The following ACSS3 variants were observed in gnomAD, a reference collection of about 807,000 sequenced individuals.
The protein encoded by ACSS3 is acyl-CoA synthetase short-chain family member 3, mitochondrial.
Under a neutral mutation model 84.2 loss-of-function variants are expected in ACSS3, and 64 were observed. The observed-to-expected ratio is 0.76, with a 90% CI of 0.62 to 0.94. The LOEUF (loss-of-function observed/expected upper bound fraction) is 0.94. ACSS3 is among the 40% of genes least tolerant of loss of function. The pLI, the probability that ACSS3 is intolerant of heterozygous loss-of-function variation, is 0.00. For missense variants in ACSS3, 815 were observed against 867.6 expected (o/e 0.94, Z 0.76); for synonymous variants, 317 against 310.1 (o/e 1.02, Z -0.23).
rs72129467 is a variant in ACSS3 at position 81,224,574 on chromosome 12, ATGTGTG to A, written c.1514+4520_1514+4525del. ...TACATATATATATACACACACACAC[ATGTGTG>A]TGTGTGTGTGTGTGTGTGTGTATGC... On this transcript the variant is annotated intron_variant, in intron 11 of 15. Transcript: ENST00000548058. 2.0e-3 allele frequency among the ~76,000 whole-genome samples: 144 copies of A among 71,916 alleles called. 3 individuals are homozygous for A. In the South Asian group the frequency reaches 0.026, roughly 13 times the overall value. The allele number at this position is 71,916 out of a possible 152,430, so 47.2% of individuals were successfully genotyped here. A position where few individuals can be genotyped will look rare whatever the true frequency, so the allele number is the denominator to read the frequency against.
At chr12:81,251,677 A>AAAAAAAAAAAAAAAAAAAAAAAAAC (rs1565745526) in intron 13 of ACSS3, among the ~76,000 whole-genome samples, 1 of 116,696 alleles carries the variant, frequency 8.6e-6, no homozygotes, top group African/African-American at 3.0e-5. Flanking sequence ...ACAAAAAAAA[A>AAAAAAAAAAAAAAAAAAAAAAAAAC]AAAAAAATAC....
chr12:81,127,918 C>T (rs1381719200), intron 2 of ACSS3, among the ~76,000 whole-genome samples: 1 of 152,132 alleles, frequency 6.6e-6, no homozygotes, highest in Middle Eastern at 3.2e-3. Flanking sequence ...CTATGAGCAT[C>T]TGGTCACAAA....
At chr12:81,193,212 G>A (rs1467807927) in intron 8 of ACSS3, among the ~76,000 whole-genome samples, 1 of 152,154 alleles carries the variant, frequency 6.6e-6, no homozygotes, top group Non-Finnish European at 1.5e-5. Context: ...TCTGTCATGT[G>A]AACCAGAAGT....
intron 5 of ACSS3, among the ~76,000 whole-genome samples, chr12:81,148,973 G>A (rs1349991790): frequency 5.3e-5 from 8 of 150,880 alleles, no homozygotes; most frequent in South Asian, 2.1e-4. Context: ...CCAGCTACTC[G>A]AGAGGCTGAG....
At chr12:81,217,423 C>A (rs1014251478) in intron 10 of ACSS3, among the ~76,000 whole-genome samples, 6 of 152,116 alleles carry the variant, frequency 3.9e-5, no homozygotes, top group Admixed American at 2.6e-4. Context: ...ATCCTGGGGA[C>A]AATGCAAACC....
At chr12:81,127,429 T>C (rs1333449584) in intron 2 of ACSS3, among the ~76,000 whole-genome samples, 1 of 152,168 alleles carries the variant, frequency 6.6e-6, no homozygotes, top group Non-Finnish European at 1.5e-5. Flanking sequence ...GTTAAAATTT[T>C]AATCTTTTCA....
At chr12:81,122,182 T>C (rs1325286654) in intron 2 of ACSS3, among the ~76,000 whole-genome samples, 3 of 151,966 alleles carry the variant, frequency 2.0e-5, no homozygotes, top group Non-Finnish European at 4.4e-5. Flanking sequence ...CTGCCCTCCT[T>C]GGCCTCCCAA....
At chr12:81,111,000 A>C (rs1471152275) in intron 2 of ACSS3, among the ~76,000 whole-genome samples, 1 of 152,198 alleles carries the variant, frequency 6.6e-6, no homozygotes, top group Non-Finnish European at 1.5e-5. Flanking sequence ...AAGAAAGGCA[A>C]CTCAGACTAA....
At chr12:81,217,797 C>T (rs957591821) in intron 10 of ACSS3, among the ~76,000 whole-genome samples, 8 of 151,866 alleles carry the variant, frequency 5.3e-5, no homozygotes, top group East Asian at 1.9e-4. Context: ...GAGCTGAGAT[C>T]GTGCCACTCC....
chr12:81,161,742 C>A (rs1438218342), intron 7 of ACSS3, among the ~76,000 whole-genome samples: 1 of 152,162 alleles, frequency 6.6e-6, no homozygotes, highest in Non-Finnish European at 1.5e-5. Context: ...CTCAGCTTGT[C>A]CTACTGGCCT....
chr12:81,237,564 G>A (rs2033668598), intron 13 of ACSS3, among the ~76,000 whole-genome samples: 2 of 151,316 alleles, frequency 1.3e-5, no homozygotes, highest in Non-Finnish European at 3.0e-5. Flanking sequence ...CGAGTATTTT[G>A]AATATTACAT....
In ACSS3 at chr12:81,181,747, CAAA is replaced by C. The variant is rs59878486; in HGVS notation, c.1250+6827_1250+6829del. Reference sequence around the variant, plus strand: ...AAGCCAAAGATTTCAATCAATTAAGCAAAAAAAAAAAAAAAAAAAAAGCAATAG... The same window carrying C: ...AAGCCAAAGATTTCAATCAATTAAGCAAAAAAAAAAAAAAAAAAGCAATAG... On this transcript the variant is annotated intron_variant, in intron 8 of 15. Coordinates refer to ENST00000548058, the MANE Select transcript of ACSS3 (RefSeq NM_024560.4). Among the ~76,000 whole-genome samples, 172 of 47,894 alleles carry C rather than the reference CAAA, an allele frequency of 3.6e-3. 1 individual carries two copies. Among genetic ancestry groups the C allele is most frequent in the East Asian group, 6.8e-3 (13 of 1,920 alleles). The allele number at this position is 47,894 out of a possible 152,430, so 31.4% of individuals were successfully genotyped here.
chr12:81,088,007 C>T (rs1028031175), intron 1 of ACSS3, among the ~76,000 whole-genome samples: 2 of 152,066 alleles, frequency 1.3e-5, no homozygotes, highest in African/African-American at 4.8e-5. Context: ...TGTGTTGTTT[C>T]TTTTCTCGTC....
rs185104756 is a variant in ACSS3, at chr12:81,205,538, C to T, written c.1354+6094C>T. On this transcript the variant is annotated intron_variant, in intron 9 of 15. Transcript: ENST00000548058. Reference sequence around the variant, plus strand: ...ACAGAGATCTCTGTGGGAAATGTTACAGGCACAACTACAGCCCTGTCTCAT... The same window carrying T: ...ACAGAGATCTCTGTGGGAAATGTTATAGGCACAACTACAGCCCTGTCTCAT... 4.8e-4 allele frequency among the ~76,000 whole-genome samples: 73 copies of T among 152,214 alleles called. No homozygotes were observed. The East Asian group carries it at 8.7e-3, about 18-fold the overall frequency.
chr12:81,238,359 C>T (rs148558849), intron 13 of ACSS3, among the ~76,000 whole-genome samples: 1,570 of 151,586 alleles, frequency 0.01, 19 homozygotes, highest in Non-Finnish European at 0.015. Context: ...TGTTCCAGTT[C>T]CATAGATTGA....
At chr12:81,249,457 CG>C (rs1251935470) in intron 13 of ACSS3, among the ~76,000 whole-genome samples, 1 of 152,034 alleles carries the variant, frequency 6.6e-6, no homozygotes, top group Non-Finnish European at 1.5e-5. Flanking sequence ...ACTCAGGACA[CG>C]GTTCACATGC....
At chr12:81,153,983 G>A (rs1886746069) in intron 7 of ACSS3, among the ~76,000 whole-genome samples, 1 of 152,060 alleles carries the variant, frequency 6.6e-6, no homozygotes, top group African/African-American at 2.4e-5. Flanking sequence ...ATATGCATTT[G>A]GGAATTCATA....
chr12:81,195,725 A>C (rs141510232), intron 8 of ACSS3, among the ~76,000 whole-genome samples: 1 of 151,980 alleles, frequency 6.6e-6, no homozygotes, highest in Non-Finnish European at 1.5e-5. Flanking sequence ...ATACTGTTAG[A>C]GGGTACTCAC....
At chr12:81,149,578 C>T (rs979953159) in intron 5 of ACSS3, among the ~76,000 whole-genome samples, 4 of 152,036 alleles carry the variant, frequency 2.6e-5, no homozygotes, top group African/African-American at 9.7e-5. Flanking sequence ...AGAGGCAAGA[C>T]CAAATTGCAG....
Sources: allele counts gnomAD v4.1 joint callset (sites outside exome capture counted in the v4.1 genomes callset), GRCh38; gene constraint gnomAD v4.1.1; transcripts MANE v1.5; gene names NCBI Gene and HGNC (gene_info 2026-07-23, HGNC 2026-07-21).